EIF4G1: variants seen among roughly 807,000 people sequenced by gnomAD.
The protein encoded by EIF4G1 is eukaryotic translation initiation factor 4 gamma 1.
In EIF4G1, 4 loss-of-function variants were observed where a neutral mutation model predicts 187.8. The ratio of observed to expected loss-of-function variants is 0.02; its 90% confidence interval spans 0.01 to 0.05. The LOEUF is 0.05. Among genes scored for constraint, EIF4G1 ranks in the 10% least tolerant of loss-of-function variants. The pLI, the probability that EIF4G1 is intolerant of heterozygous loss-of-function variation, is 1.00. For missense variants in EIF4G1, 1,647 were observed against 2,081.1 expected (o/e 0.79, Z 4.06); for synonymous variants, 844 against 781.4 (o/e 1.08, Z -1.34).
At chr3:184,331,410 GTCT>G (rs763924079) in intron 29 of EIF4G1, 46 bp downstream of exon 29, 10 of 1,614,110 alleles carry the variant, frequency 6.2e-6, no homozygotes, top group Non-Finnish European at 8.5e-7. Context: ...AGGCTGGCCA[GTCT>G]TCTTTCTTGT....
In EIF4G1 at chr3:184,322,413, A is replaced by G. The variant is rs1309746126; in HGVS notation, c.1571A>G (p.Lys524Arg). 2 of 1,614,222 alleles carry G rather than the reference A, an allele frequency of 1.2e-6. No individual in the cohort carries two copies. Among genetic ancestry groups the G allele is most frequent in the Non-Finnish European group, 1.7e-6 (2 of 1,180,036 alleles). Residue 524 changes from lysine to arginine, a missense_variant, in exon 11 of 33, where the codon AAG (lysine) becomes AGG (arginine). Coordinates refer to ENST00000346169, the MANE Select transcript of EIF4G1 (RefSeq NM_198241.3). ...CGGAAAATTAAGGAGCTAAATAAGA[A>G]GGAGGCTGTTGGAGACCTTCTGGAT... Reference protein sequence around the residue: ...RRRKIKELNKKEAVGDLLDAF... With the variant: ...RRRKIKELNKREAVGDLLDAF...
At chr3:184,319,908 T>C in intron 7 of EIF4G1, 107 bp downstream of exon 7, 1 of 830,346 alleles carries the variant, frequency 1.2e-6, no homozygotes, top group Middle Eastern at 2.2e-4. Context: ...AGGAAGGAGC[T>C]GAGAGTGGGC....
intron 32 of EIF4G1, among the ~76,000 whole-genome samples, chr3:184,332,774 G>A (rs1316166776): frequency 6.6e-6 from 1 of 152,170 alleles, no homozygotes; most frequent in Non-Finnish European, 1.5e-5. Context: ...ACTTGACACA[G>A]GGAAAAGAAC....
intron 28 of EIF4G1, 126 bp downstream of exon 28, chr3:184,329,116 C>T: frequency 8.5e-7 from 1 of 1,172,696 alleles, no homozygotes; most frequent in Non-Finnish European, 1.2e-6. Context: ...GTGTTGGTAC[C>T]TGGGAGAGGA....
chr3:184,332,734 T>C (rs1402253042), intron 32 of EIF4G1, among the ~76,000 whole-genome samples: 4 of 152,076 alleles, frequency 2.6e-5, no homozygotes, highest in Non-Finnish European at 5.9e-5. Flanking sequence ...GAAGGCACTA[T>C]GTGTGTTCTT....
intron 28 of EIF4G1, among the ~76,000 whole-genome samples, chr3:184,330,728 CTTTTA>C (rs1407335621): frequency 5.3e-5 from 8 of 151,962 alleles, no homozygotes; most frequent in Admixed American, 6.6e-5. Context: ...GACAAGTTCT[CTTTTA>C]TTTTATTTTA....
rs1432774740 is a variant in EIF4G1, at chr3:184,325,438, G to A, written c.2962-42G>A. The A allele has an allele frequency of 6.2e-7, 1 of 1,614,022 alleles. No individual in the cohort carries two copies. The highest frequency in any genetic ancestry group is 1.3e-5 in the African/African-American group (1 of 74,918). Reference sequence around the variant, plus strand: ...CCAGTTTCTGACACTGCCTTGTCTTGCCTTCCCTGACATCATCGTGACTGG... The same window carrying A: ...CCAGTTTCTGACACTGCCTTGTCTTACCTTCCCTGACATCATCGTGACTGG... On this transcript the variant is annotated intron_variant, in intron 19 of 32. Coordinates refer to ENST00000346169, the MANE Select transcript of EIF4G1 (RefSeq NM_198241.3). The surrounding 1 kb of genome is among the most constrained non-coding windows in gnomAD (Gnocchi z 5.2).
At position 184,331,248 on chromosome 3, in the gene EIF4G1, T is replaced by A; in HGVS notation, c.4162-18T>A. 1 of 1,613,876 alleles carries A rather than the reference T, an allele frequency of 6.2e-7. No homozygotes were observed. Among genetic ancestry groups the A allele is most frequent in the Non-Finnish European group, 8.5e-7 (1 of 1,179,798 alleles). On this transcript the variant is annotated intron_variant, in intron 28 of 32. Coordinates refer to ENST00000346169, the MANE Select transcript of EIF4G1 (RefSeq NM_198241.3). ...GAGAGAGAGCTTTGGTAAGCTGGGT[T>A]GGTCTTGTGTTTTCCAGGGTCCTAA...
At chr3:184,314,910 C>G (rs1186782121) in intron 1 of EIF4G1, among the ~76,000 whole-genome samples, 1 of 150,848 alleles carries the variant, frequency 6.6e-6, no homozygotes, top group Non-Finnish European at 1.5e-5. Flanking sequence ...GCGGGCCCCG[C>G]GGGCTGGTAG....
chr3:184,320,501 G>T, intron 7 of EIF4G1, 129 bp from the exon 8 acceptor site: 1 of 1,561,646 alleles, frequency 6.4e-7, no homozygotes, highest in East Asian at 2.4e-5. Context: ...GAACTCAAGG[G>T]GTTTCTGGCA....
rs371595176 is a variant in EIF4G1 at position 184,323,133 on chromosome 3, A to G, written c.1980A>G (p.Ile660Met). ...RPLDPTRLQG[I>M]NCGPDFTPSF... The stretch of plus-strand genomic sequence containing the variant: ...TGGATCCCACTAGACTACAAGGCAT[A>G]AATTGTGGCCCAGACTTCACTCCAT... The change falls in exon 14 of 33, where the codon ATA becomes ATG. Residue 660 changes from isoleucine to methionine, a missense_variant. Around this residue, in one of 11 missense-constraint regions of EIF4G1, gnomAD observed 140 missense variants for 222.2 expected, o/e 0.63. Coordinates refer to ENST00000346169, the MANE Select transcript of EIF4G1 (RefSeq NM_198241.3). The surrounding 1 kb of genome is among the most constrained non-coding windows in gnomAD (Gnocchi z 6.9). 6.2e-6 allele frequency: 10 copies of G among 1,614,204 alleles called. No individual in the cohort carries two copies. Among genetic ancestry groups the G allele is most frequent in the Admixed American group, 3.3e-5 (2 of 60,032 alleles).
chr3:184,328,038 G>C (rs1391736095), intron 26 of EIF4G1, 36 bp downstream of exon 26: 1 of 1,597,578 alleles, frequency 6.3e-7, no homozygotes, highest in South Asian at 1.1e-5. Flanking sequence ...CACTTATACA[G>C]ACCCACAATT....
rs757531274 is a variant in EIF4G1, at chr3:184,317,719, G to T, written c.327G>T (p.Gly109=). ...TCCCTCTCCCCCTTCCCCACCAGGGGCGTTCCACATACGTTGTCCCGACAC... is the reference window on the plus strand; with the variant it reads ...TCCCTCTCCCCCTTCCCCACCAGGGTCGTTCCACATACGTTGTCCCGACAC... The part of the protein sequence containing the change: ...SQGAYYIPGQ[G]RSTYVVPTQQ... The change falls in exon 6 of 33, where the codon GGG becomes GGT. Residue 109 remains glycine (G), a splice_region_variant and synonymous_variant. Transcript: ENST00000346169. 2 of 1,613,850 alleles carry T rather than the reference G, an allele frequency of 1.2e-6. No homozygotes were observed. The highest frequency in any genetic ancestry group is 1.1e-5 in the South Asian group (1 of 91,072).
chr3:184,326,491 T>C (rs771429556), intron 21 of EIF4G1, 36 bp from the exon 22 acceptor site: 1 of 1,611,796 alleles, frequency 6.2e-7, no homozygotes, highest in South Asian at 1.1e-5. Flanking sequence ...CTCAGCCGGG[T>C]TGGACCTATG....
At chr3:184,330,621 T>A (rs1169155828) in intron 28 of EIF4G1, among the ~76,000 whole-genome samples, 1 of 152,098 alleles carries the variant, frequency 6.6e-6, no homozygotes, top group Non-Finnish European at 1.5e-5. Flanking sequence ...GTCTTAAGAT[T>A]TTCTGGGTTT....
rs748273626 is a variant in EIF4G1 at position 184,334,737 on chromosome 3, G to C, written c.4629G>C (p.Arg1543=). The part of the protein sequence containing the change: ...VTLEQPPNLL[R]MFFDALYDED... Reference sequence around the variant, plus strand: ...CCCGCCTGCTTGCAGACCTGCTGCGGATGTTCTTTGACGCACTGTATGACG... The same window carrying C: ...CCCGCCTGCTTGCAGACCTGCTGCGCATGTTCTTTGACGCACTGTATGACG... Residue 1543 remains arginine, a synonymous_variant, in exon 33 of 33, where the codon CGG becomes CGC. Coordinates refer to ENST00000346169, the MANE Select transcript of EIF4G1 (RefSeq NM_198241.3). The surrounding 1 kb of genome is among the most constrained non-coding windows in gnomAD (Gnocchi z 5.8). The C allele has an allele frequency of 6.2e-7, 1 of 1,614,228 alleles. No homozygotes were observed. Among genetic ancestry groups the C allele is most frequent in the Non-Finnish European group, 8.5e-7 (1 of 1,180,034 alleles).
intron 22 of EIF4G1, 52 bp downstream of exon 22, chr3:184,326,681 G>C: frequency 6.3e-7 from 1 of 1,593,844 alleles, no homozygotes; most frequent in Non-Finnish European, 8.5e-7. Flanking sequence ...GCTCCCTTGA[G>C]GACAGAGCCT....
chr3:184,331,898 G>A (rs1560232558), intron 31 of EIF4G1, 48 bp from the exon 32 acceptor site: 5 of 1,613,926 alleles, frequency 3.1e-6, no homozygotes, highest in South Asian at 2.2e-5. Context: ...TCCCAGTTCT[G>A]AACCGGGGTA....
chr3:184,330,780 C>G (rs940905829), intron 28 of EIF4G1, among the ~76,000 whole-genome samples: 1 of 151,936 alleles, frequency 6.6e-6, no homozygotes, highest in Non-Finnish European at 1.5e-5. Context: ...CTCGCTGTGT[C>G]GCCCAGGCTG....
Sources: gnomAD v4.1 joint callset for allele counts (sites outside exome capture counted in the v4.1 genomes callset) on GRCh38, gnomAD v4.1.1 for gene constraint, gnomAD v4.1.1 regional missense constraint, Gnocchi (gnomAD v3.1) non-coding constraint, MANE v1.5 for transcripts, NCBI Gene and HGNC (gene_info 2026-07-23, HGNC 2026-07-21) for gene names.